PSG6: variants seen among roughly 807,000 people sequenced by gnomAD.
The protein encoded by PSG6 is pregnancy specific beta-1-glycoprotein 6.
PSG6 carries 51 observed loss-of-function variants against 43.3 expected under a neutral mutation model. The ratio of observed to expected loss-of-function variants is 1.18; its 90% confidence interval spans 0.94 to 1.49. The LOEUF (loss-of-function observed/expected upper bound fraction) is 1.49. Among genes scored for constraint, PSG6 ranks in the 40% most tolerant of loss-of-function variants. The pLI, the probability that PSG6 is intolerant of heterozygous loss-of-function variation, is 0.00. For synonymous variants in PSG6, 292 were observed against 197.6 expected (o/e 1.48, Z -4.01); for missense variants, 770 against 522.2 (o/e 1.47, Z -4.62).
chr19:42,908,697 G>C (rs1266502230), intron 3 of PSG6, among the ~76,000 whole-genome samples: 1 of 151,716 alleles, frequency 6.6e-6, no homozygotes, highest in Non-Finnish European at 1.5e-5. Flanking sequence ...GGAAAGGGTG[G>C]GAATGAACTG....
At chr19:42,910,506 A>G (rs753771278) in intron 3 of PSG6, 74 bp downstream of exon 3, 2 of 1,612,356 alleles carry the variant, frequency 1.2e-6, no homozygotes, top group South Asian at 1.1e-5. Context: ...CCTGAGAGGG[A>G]CTGAGAGGCC....
At chr19:42,903,804 A>G (rs1439144913) in intron 5 of PSG6, 14 of 1,438,042 alleles carry the variant, frequency 9.7e-6, no homozygotes, top group Non-Finnish European at 1.3e-5. Flanking sequence ...GAAGAAGGAG[A>G]ATTGCTTGAG....
Position 42,916,210 on chromosome 19 carries a change from C to T in PSG6, c.342G>A (p.Glu114=), listed in dbSNP as rs778261721. 3.0e-5 allele frequency: 48 copies of T among 1,612,120 alleles called. 3 individuals are homozygous for T. The Middle Eastern group carries it at 6.6e-4, about 22-fold the overall frequency. ...TGTGTAAGGTGTAGGATCCTGCATCCTCCTGTGTGACATTCTGGATCAGCA... is the reference window on the plus strand; with the variant it reads ...TGTGTAAGGTGTAGGATCCTGCATCTTCCTGTGTGACATTCTGGATCAGCA... ...ASLLIQNVTQ[E]DAGSYTLHII... Residue 114 remains glutamate (E), a synonymous_variant, in exon 2 of 6, where the codon GAG becomes GAA. Transcript: ENST00000187910.
chr19:42,915,964 T>C, intron 2 of PSG6, 161 bp downstream of exon 2: 3 of 1,193,074 alleles, frequency 2.5e-6, no homozygotes, highest in Non-Finnish European at 3.5e-6. Flanking sequence ...TCTGTTGAAA[T>C]GTGTCTCCTC....
chr19:42,917,829 G>A lies in PSG6; in HGVS notation c.-37C>T, dbSNP rs755332306. ...TCTGTGTGTTCTCCCCTGTGGAGAT[G>A]AGCCTAGGATCCAGAGACTTCCTGA... is the stretch of plus-strand genomic sequence containing the variant. On this transcript the variant is annotated 5_prime_UTR_variant, in exon 1 of 6. Transcript: ENST00000187910. 148 of 1,598,660 alleles carry A rather than the reference G, an allele frequency of 9.3e-5. 5 individuals carry two copies. The highest frequency in any genetic ancestry group is 1.2e-4 in the Non-Finnish European group (135 of 1,170,904).
intron 3 of PSG6, among the ~76,000 whole-genome samples, chr19:42,909,041 T>C (rs1186038614): frequency 6.6e-6 from 1 of 151,692 alleles, no homozygotes; most frequent in East Asian, 1.9e-4. Flanking sequence ...AAAAAGTGTT[T>C]TGGATTTCTG....
intron 5 of PSG6, among the ~76,000 whole-genome samples, chr19:42,906,391 C>T (rs1309312738): frequency 6.6e-6 from 1 of 151,376 alleles, no homozygotes; most frequent in Non-Finnish European, 1.5e-5. Context: ...GTTGGTTCCA[C>T]CCCAGGTGGA....
intron 5 of PSG6, chr19:42,903,806 T>C (rs778277691): frequency 1.9e-5 from 27 of 1,435,116 alleles, no homozygotes; most frequent in Non-Finnish European, 2.3e-5. Flanking sequence ...AGAAGGAGAA[T>C]TGCTTGAGCC....
Position 42,906,910 on chromosome 19 carries a change from G to T in PSG6, c.1240+12C>A, listed in dbSNP as rs374397637. On this transcript the variant is annotated intron_variant, in intron 5 of 5. Transcript: ENST00000187910. ...TAAAACCCTATTGCCAAGGATGCTG[G>T]GATCCACTTACCAGAGACTTTGACT... 1 of 1,612,208 alleles carries T rather than the reference G, an allele frequency of 6.2e-7. No individual in the cohort carries two copies.
In PSG6 at chr19:42,907,610, G is replaced by A; in HGVS notation, c.951C>T (p.Gly317=). The change falls in exon 4 of 6, where the codon GGC becomes GGT. Residue 317 remains glycine, a synonymous_variant. Coordinates refer to ENST00000187910, the MANE Select transcript of PSG6 (RefSeq NM_001031850.4). Reference sequence around the variant, plus strand: ...TCAGGGTGACTGGGTTACTGCGGATGCCACCATATCGGTCCCGTATTTCAC... The same window carrying A: ...TCAGGGTGACTGGGTTACTGCGGATACCACCATATCGGTCCCGTATTTCAC... ...YQCEIRDRYG[G]IRSNPVTLNV... The A allele has an allele frequency of 6.2e-7, 1 of 1,612,000 alleles. No individual in the cohort carries two copies. The highest frequency in any genetic ancestry group is 1.1e-5 in the South Asian group (1 of 90,796).
rs372582980 is a variant in PSG6, at chr19:42,906,260, A to T, written c.1240+662T>A. Among the ~76,000 whole-genome samples, 27 of 151,716 alleles carry T rather than the reference A, an allele frequency of 1.8e-4. 2 individuals carry two copies. The East Asian group carries it at 3.3e-3, about 19-fold the overall frequency. ...AGAGCCAGGATGCAGCTCAGGAGTC[A>T]GCCCTGAAGCTCCCTCTCTTCTTAT... On this transcript the variant is annotated intron_variant, in intron 5 of 5. Transcript: ENST00000187910.
chr19:42,910,598 C>A lies in PSG6; in HGVS notation c.688G>T (p.Val230Phe), dbSNP rs144422838. Residue 230 changes from valine to phenylalanine, a missense_variant, in exon 3 of 6, where the codon GTC becomes TTC. Val to Phe is a conservative substitution (Grantham distance 50). Coordinates refer to ENST00000187910, the MANE Select transcript of PSG6 (RefSeq NM_001031850.4). ...TACTCACGGAGGAGATTCAGGGTGA[C>A]TGGGTCACTGCGGCTGGCACTCACT... ...NPVSASRSDPVTLNLLPKLPM... is the reference protein window; with the variant it reads ...NPVSASRSDPFTLNLLPKLPM... The A allele has an allele frequency of 2.8e-5, 45 of 1,612,432 alleles. 1 individual carries two copies. The highest frequency in any genetic ancestry group is 3.6e-5 in the Non-Finnish European group (42 of 1,179,276).
chr19:42,916,551 C>T (rs1972338956), intron 1 of PSG6, 64 bp from the exon 2 acceptor site: 1 of 1,552,020 alleles, frequency 6.4e-7, no homozygotes, highest in Non-Finnish European at 8.7e-7. Context: ...AAGATGGGGC[C>T]CTGTGTCCTG....
intron 2 of PSG6, among the ~76,000 whole-genome samples, chr19:42,911,819 T>C (rs999801693): frequency 6.6e-6 from 1 of 151,664 alleles, no homozygotes; most frequent in African/African-American, 2.4e-5. Context: ...TCTCTGATTC[T>C]GAGTTTGACT....
chr19:42,905,690 T>C (rs1283569829), intron 5 of PSG6, among the ~76,000 whole-genome samples: 2 of 151,608 alleles, frequency 1.3e-5, no homozygotes, highest in African/African-American at 4.8e-5. Flanking sequence ...GAAAGATAAG[T>C]GGGTAGGCAA....
intron 2 of PSG6, 85 bp from the exon 3 acceptor site, chr19:42,910,943 A>G (rs537308068): frequency 6.5e-7 from 1 of 1,529,430 alleles, no homozygotes; most frequent in Non-Finnish European, 8.8e-7. Flanking sequence ...TGGCATTTCC[A>G]ACCTCTCAGC....
chr19:42,910,101 C>T (rs1972189835), intron 3 of PSG6: 2 of 215,626 alleles, frequency 9.3e-6, no homozygotes, highest in Non-Finnish European at 1.9e-5. Flanking sequence ...GTCTGTGAGG[C>T]AGGAGAGCTT....
At chr19:42,903,629 GT>G in intron 5 of PSG6, 1 of 1,487,870 alleles carries the variant, frequency 6.7e-7, no homozygotes, top group Non-Finnish European at 9.0e-7. Context: ...GGTGGGTCAT[GT>G]TTTAATCCTA....
rs1477409420 is a variant in PSG6 at position 42,916,126 on chromosome 19, G to A, written c.426C>T (p.Tyr142=). The A allele has an allele frequency of 2.5e-6, 4 of 1,610,936 alleles. No homozygotes were observed. The highest frequency in any genetic ancestry group is 1.3e-5 in the African/African-American group (1 of 74,672). The change falls in exon 2 of 6, where the codon TAC becomes TAT. Residue 142 remains tyrosine (Y), a splice_region_variant and synonymous_variant. Transcript: ENST00000187910. The part of the protein sequence containing the change: ...GVTGYFTVTL[Y]SETPKPSISS... ...CAGGGATCATGCGGAATCACTCACA[G>A]TATAAGGTGACAGTGAAATATCCAG... is the stretch of plus-strand genomic sequence containing the variant.
Sources: allele counts gnomAD v4.1 joint callset (sites outside exome capture counted in the v4.1 genomes callset), GRCh38; gene constraint gnomAD v4.1.1; transcripts MANE v1.5; gene names NCBI Gene and HGNC (gene_info 2026-07-23, HGNC 2026-07-21).